The following NSD3 variants were observed in gnomAD, a reference collection of about 807,000 sequenced individuals.
NSD3 encodes histone-lysine N-methyltransferase NSD3.
NSD3 carries 24 observed loss-of-function variants against 160.8 expected under a neutral mutation model. The observed-to-expected ratio is 0.15, with a 90% CI of 0.11 to 0.21. The LOEUF is 0.21. Ranked by LOEUF, NSD3 falls within the 10% of genes least tolerant of loss-of-function variation. The pLI is 1.00. For synonymous variants in NSD3, 520 were observed against 600.0 expected, an observed-to-expected ratio of 0.87 and a Z score of 1.95; for missense variants, 1,157 against 1,735.9, an observed-to-expected ratio of 0.67 and a Z score of 5.93.
At position 38,338,582 on chromosome 8, in the gene NSD3, A is replaced by G. The variant is rs754547374; in HGVS notation, c.701T>C (p.Val234Ala). 6.2e-7 allele frequency: 1 copy of G among 1,613,982 alleles called. No individual in the cohort carries two copies. The highest frequency in any genetic ancestry group is 1.1e-5 in the South Asian group (1 of 91,078). The change falls in exon 3 of 24, where the codon GTA becomes GCA. Residue 234 changes from valine to alanine, a missense_variant. Val to Ala is a moderately conservative substitution (Grantham distance 64). This residue lies in a region of NSD3 where 99 missense variants were observed against 151.8 expected (regional missense o/e 0.65). Transcript: ENST00000317025. The part of the protein sequence containing the change: ...QNRPNERVDT[V>A]SEKPREEPVL... ...TGGTTCTTCCCTTGGTTTTTCTGAT[A>G]CAGTGTCAACCCTCTCATTTGGTCT...
chr8:38,323,480 T>C (rs61598076), intron 7 of NSD3, among the ~76,000 whole-genome samples: 1 of 152,114 alleles, frequency 6.6e-6, no homozygotes, highest in Non-Finnish European at 1.5e-5. Flanking sequence ...AAAGGAAATA[T>C]TCATAGCAGA....
intron 2 of NSD3, among the ~76,000 whole-genome samples, chr8:38,345,384 G>A (rs1304408364): frequency 6.6e-6 from 1 of 151,238 alleles, no homozygotes; most frequent in Non-Finnish European, 1.5e-5. Flanking sequence ...GAGAGAGGGA[G>A]AGAGAGAGAG....
At chr8:38,334,748 T>C (rs1810167619) in intron 4 of NSD3, among the ~76,000 whole-genome samples, 1 of 149,468 alleles carries the variant, frequency 6.7e-6, no homozygotes, top group African/African-American at 2.5e-5. Context: ...CAACAATCCA[T>C]CTCAAAAACA....
rs1447127078 is a variant in NSD3, at chr8:38,278,564, T to TA, written c.3761-153dup. The stretch of plus-strand genomic sequence containing the variant: ...TCTACCTCATTGATAACAGTGATGG[T>TA]AAAAAAAGAAAAGGAGAAAAACATC... On this transcript the variant is annotated intron_variant, in intron 21 of 23. Transcript: ENST00000317025. 1.6e-5 allele frequency: 10 copies of TA among 615,928 alleles called. No homozygotes were observed. The South Asian group carries it at 2.3e-4, about 14-fold the overall frequency. 38.2% of individuals were successfully genotyped at this position (615,928 alleles called of 1,614,324 possible). A position where few individuals can be genotyped will look rare whatever the true frequency, so the allele number is the denominator to read the frequency against.
chr8:38,366,817 T>G (rs1811117867), intron 1 of NSD3, among the ~76,000 whole-genome samples: 1 of 152,180 alleles, frequency 6.6e-6, no homozygotes, highest in African/African-American at 2.4e-5. Context: ...ATTAAAAATT[T>G]AGTTCCTCAG....
rs1253076420 is a variant in NSD3 at position 38,329,880 on chromosome 8, C to T, written c.1079G>A (p.Arg360Gln). The T allele has an allele frequency of 6.3e-7, 1 of 1,580,360 alleles. No homozygotes were observed. The highest frequency in any genetic ancestry group is 2.2e-5 in the East Asian group (1 of 44,526). Residue 360 changes from arginine to glutamine, a missense_variant, in exon 6 of 24, where the codon CGA becomes CAA. This residue lies in a region of NSD3 where 168 missense variants were observed against 208.1 expected (regional missense o/e 0.81). Coordinates refer to ENST00000317025, the MANE Select transcript of NSD3 (RefSeq NM_023034.2). The surrounding 1 kb of genome is among the most constrained non-coding windows in gnomAD (Gnocchi z 4.8). ...CCACTGAGCACGTTCTCTCTGAGGT[C>T]GGGGTTTCCGAATCTTTAAAAAAGA... ...HSEKQKIRKPRPQRERAQWDI... is the reference protein window; with the variant it reads ...HSEKQKIRKPQPQRERAQWDI...
chr8:38,307,175 G>C (rs1254951493), intron 12 of NSD3, among the ~76,000 whole-genome samples: 1 of 149,734 alleles, frequency 6.7e-6, no homozygotes, highest in Non-Finnish European at 1.5e-5. Flanking sequence ...AAAACTTAAA[G>C]AGTTTGATAA....
At chr8:38,327,933 G>GGC (rs1809956922) in intron 6 of NSD3, among the ~76,000 whole-genome samples, 1 of 152,184 alleles carries the variant, frequency 6.6e-6, no homozygotes, top group Non-Finnish European at 1.5e-5. Flanking sequence ...CAGGCACCGT[G>GGC]GCTCCTGCCT....
chr8:38,310,083 T>G (rs897684316), intron 12 of NSD3, among the ~76,000 whole-genome samples: 1 of 152,224 alleles, frequency 6.6e-6, no homozygotes, highest in Non-Finnish European at 1.5e-5. Context: ...TTAACCATTT[T>G]TAAGTGTACG....
chr8:38,326,423 G>T (rs922857080), intron 7 of NSD3, among the ~76,000 whole-genome samples: 1 of 152,178 alleles, frequency 6.6e-6, no homozygotes, highest in Non-Finnish European at 1.5e-5. Context: ...AAGTAAAGCT[G>T]TTATTATGCA....
In NSD3 at chr8:38,306,889, T is replaced by C. The variant is rs987246663; in HGVS notation, c.2243-1444A>G. ...CAGCACTTTGGGAGGCCAAGGCGGG[T>C]GGATCACAAGGTCAGGAGATCAAGA... On this transcript the variant is annotated intron_variant, in intron 12 of 23. Coordinates refer to ENST00000317025, the MANE Select transcript of NSD3 (RefSeq NM_023034.2). Among the ~76,000 whole-genome samples the C allele has an allele frequency of 4.0e-5, 6 of 151,614 alleles. No homozygotes were observed. In the East Asian group the frequency reaches 9.7e-4, roughly 25 times the overall value.
chr8:38,276,691 ATTTTAT>A, intron 22 of NSD3, 191 bp from the exon 23 acceptor site: 1 of 638,284 alleles, frequency 1.6e-6, no homozygotes, highest in Non-Finnish European at 2.6e-6. Context: ...CTTAAAAATT[ATTTTAT>A]TTTTGAGATG....
At chr8:38,350,515 C>T (rs1810665351) in intron 1 of NSD3, among the ~76,000 whole-genome samples, 1 of 152,100 alleles carries the variant, frequency 6.6e-6, no homozygotes, top group South Asian at 2.1e-4. Flanking sequence ...TATCCTTCGC[C>T]CACTTTTTGA....
rs1462334809 is a variant in NSD3 at position 38,319,790 on chromosome 8, A to G, written c.1810-850T>C. 1 of 152,248 alleles carries G rather than the reference A, an allele frequency of 6.6e-6. No homozygotes were observed. 9.4% of individuals were successfully genotyped at this position (152,248 alleles called of 1,614,324 possible). A position where few individuals can be genotyped will look rare whatever the true frequency, so the allele number is the denominator to read the frequency against. The stretch of plus-strand genomic sequence containing the variant: ...AAAAAAATTTTATTTTTTTTACAAC[A>G]GGTAAAAAAACATACAACAGAAACG... On this transcript the variant is annotated intron_variant, in intron 8 of 23. Coordinates refer to ENST00000317025, the MANE Select transcript of NSD3 (RefSeq NM_023034.2). The surrounding 1 kb of genome is among the most constrained non-coding windows in gnomAD (Gnocchi z 4.1).
chr8:38,370,773 A>T (rs947517367), intron 1 of NSD3, among the ~76,000 whole-genome samples: 2 of 152,320 alleles, frequency 1.3e-5, no homozygotes, highest in East Asian at 1.9e-4. Context: ...TGCATTGTAT[A>T]CTTTAAATGG....
At position 38,344,993 on chromosome 8, in the gene NSD3, T is replaced by C. The variant is rs546662097; in HGVS notation, c.675+2504A>G. Among the ~76,000 whole-genome samples the C allele has an allele frequency of 9.2e-5, 14 of 152,234 alleles. 1 individual carries two copies. The East Asian group carries it at 2.5e-3, about 27-fold the overall frequency. On this transcript the variant is annotated intron_variant, in intron 2 of 23. Transcript: ENST00000317025. The stretch of plus-strand genomic sequence containing the variant: ...TCTAATTTAAAAATATATGCAGTTG[T>C]GAAACATTAATTTATACACATCTCT...
At chr8:38,279,886 G>A (rs1808692727) in intron 20 of NSD3, 1 of 521,884 alleles carries the variant, frequency 1.9e-6, no homozygotes, top group South Asian at 3.3e-5. Context: ...TTAGGATAAA[G>A]TGGGATTTAG....
intron 1 of NSD3, among the ~76,000 whole-genome samples, chr8:38,381,150 G>A (rs1225414734): frequency 1.3e-5 from 2 of 151,962 alleles, no homozygotes; most frequent in African/African-American, 4.8e-5. Flanking sequence ...CCACTCTGAC[G>A]CTAAGTCGAT....
intron 12 of NSD3, among the ~76,000 whole-genome samples, chr8:38,311,074 T>G (rs1809524081): frequency 7.6e-6 from 1 of 132,114 alleles, no homozygotes; most frequent in Non-Finnish European, 1.6e-5. Context: ...TTTCCCTGAT[T>G]ACTTTTTTTT....
Sources: gnomAD v4.1 joint callset for allele counts (sites outside exome capture counted in the v4.1 genomes callset) on GRCh38, gnomAD v4.1.1 for gene constraint, gnomAD v4.1.1 regional missense constraint, Gnocchi (gnomAD v3.1) non-coding constraint, MANE v1.5 for transcripts, NCBI Gene and HGNC (gene_info 2026-07-23, HGNC 2026-07-21) for gene names.